The following ASIC2 variants were observed in gnomAD, a reference collection of about 807,000 sequenced individuals.
ASIC2 encodes acid-sensing ion channel 2.
Under a neutral mutation model 57.3 loss-of-function variants are expected in ASIC2, and 25 were observed. The observed-to-expected ratio is 0.44, with a 90% CI of 0.32 to 0.61. The LOEUF is 0.61. ASIC2 is among the 20% of genes least tolerant of loss of function. The pLI is 0.06. For synonymous variants in ASIC2, 319 were observed against 307.5 expected (o/e 1.04, Z -0.39); for missense variants, 641 against 738.1 (o/e 0.87, Z 1.52).
At chr17:33,506,728 C>T (rs118165375) in intron 1 of ASIC2, among the ~76,000 whole-genome samples, 7,651 of 152,248 alleles carry the variant, frequency 0.05, 210 homozygotes, top group Middle Eastern at 0.068. Flanking sequence ...ATAAGCTCAT[C>T]GATCTCTCGG....
chr17:33,970,784 A>G (rs1186170738), intron 1 of ASIC2, among the ~76,000 whole-genome samples: 2 of 152,112 alleles, frequency 1.3e-5, no homozygotes, highest in South Asian at 2.1e-4. Context: ...ACTCCAAACT[A>G]CTTGCTTTCA....
chr17:33,276,642 G>A lies in ASIC2; in HGVS notation c.708+14766C>T, dbSNP rs779304252. Among the ~76,000 whole-genome samples, 3 of 152,266 alleles carry A rather than the reference G, an allele frequency of 2.0e-5. No homozygotes were observed. In the East Asian group the frequency reaches 5.8e-4, roughly 29 times the overall value. ...ACTCCTTTTGGAGGTATGTGACTCC[G>A]TTGCCATTTCTCCGTTCACATGGAC... On this transcript the variant is annotated intron_variant, in intron 1 of 9. Transcript: ENST00000225823.
chr17:33,563,323 T>C (rs1047230178), intron 1 of ASIC2, among the ~76,000 whole-genome samples: 1 of 152,172 alleles, frequency 6.6e-6, no homozygotes, highest in Non-Finnish European at 1.5e-5. Context: ...TAGATATTAT[T>C]TTTCCTGTGT....
intron 1 of ASIC2, among the ~76,000 whole-genome samples, chr17:33,787,800 T>C (rs919525744): frequency 6.6e-6 from 1 of 152,174 alleles, no homozygotes; most frequent in Non-Finnish European, 1.5e-5. Context: ...TCAATTGTAA[T>C]CCTCAGTGTT....
At chr17:34,038,498 T>A in intron 1 of ASIC2, 1 of 1,612,058 alleles carries the variant, frequency 6.2e-7, no homozygotes, top group South Asian at 1.1e-5. Context: ...CTCTGTTAGA[T>A]CAAATGCCTT....
At chr17:33,833,034 G>A (rs1440535313) in intron 1 of ASIC2, among the ~76,000 whole-genome samples, 4 of 152,196 alleles carry the variant, frequency 2.6e-5, no homozygotes, top group Admixed American at 2.6e-4. Flanking sequence ...AAACACTGTT[G>A]AGTGAAACAA....
intron 1 of ASIC2, among the ~76,000 whole-genome samples, chr17:33,908,181 G>A (rs1289774306): frequency 6.6e-6 from 1 of 152,182 alleles, no homozygotes. Context: ...TAGAGACACG[G>A]ACCCCATGGT....
intron 1 of ASIC2, among the ~76,000 whole-genome samples, chr17:34,088,603 T>C (rs1598017747): frequency 6.6e-6 from 1 of 152,236 alleles, no homozygotes; most frequent in Non-Finnish European, 1.5e-5. Context: ...CAGAGGTTAC[T>C]GCTGTCTTTT....
At chr17:33,170,677 G>C (rs1284967950) in intron 1 of ASIC2, among the ~76,000 whole-genome samples, 3 of 152,204 alleles carry the variant, frequency 2.0e-5, no homozygotes, top group Non-Finnish European at 2.9e-5. Context: ...AGAAGGGCTA[G>C]AAACCCAGCA....
chr17:33,482,605 A>AT (rs1304618352), intron 1 of ASIC2, among the ~76,000 whole-genome samples: 1 of 152,248 alleles, frequency 6.6e-6, no homozygotes, highest in Non-Finnish European at 1.5e-5. Flanking sequence ...TATAATCTCC[A>AT]TTCCACAGAC....
intron 1 of ASIC2, among the ~76,000 whole-genome samples, chr17:33,288,988 C>T (rs2142178639): frequency 6.6e-6 from 1 of 152,224 alleles, no homozygotes; most frequent in Non-Finnish European, 1.5e-5. Flanking sequence ...GGAAAATATT[C>T]CTGACAGGCC....
intron 1 of ASIC2, among the ~76,000 whole-genome samples, chr17:33,785,859 G>A (rs142369063): frequency 5.7e-4 from 87 of 152,306 alleles, no homozygotes; most frequent in Non-Finnish European, 1.0e-3. Flanking sequence ...GGAGGCAGAA[G>A]ATTTTGCTAC....
rs536320240 is a variant in ASIC2 at position 33,178,495 on chromosome 17, A to C, written c.709-66428T>G. On this transcript the variant is annotated intron_variant, in intron 1 of 9. Coordinates refer to ENST00000225823, the MANE Select transcript of ASIC2 (RefSeq NM_183377.2). The stretch of plus-strand genomic sequence containing the variant: ...TTTGTCATGCACAGTGCTAGGCACC[A>C]GGGACAAAATCATAAATAAAACCAT... Among the ~76,000 whole-genome samples, 55 of 152,372 alleles carry C rather than the reference A, an allele frequency of 3.6e-4. 1 individual carries two copies. The highest frequency in any genetic ancestry group is 7.3e-4 in the Non-Finnish European group (50 of 68,034).
chr17:33,458,360 T>G (rs1367156363), intron 1 of ASIC2, among the ~76,000 whole-genome samples: 2 of 152,208 alleles, frequency 1.3e-5, no homozygotes, highest in Admixed American at 6.5e-5. Context: ...TTTGGGTAAC[T>G]CAAGTAATTT....
intron 1 of ASIC2, among the ~76,000 whole-genome samples, chr17:33,123,892 GTGTGT>G (rs565308446): frequency 6.6e-6 from 1 of 152,228 alleles, no homozygotes; most frequent in African/African-American, 2.4e-5. Flanking sequence ...GGGATCAGAA[GTGTGT>G]TGTGTTGTGT....
chr17:33,068,047 T>A (rs1194792140), intron 3 of ASIC2, among the ~76,000 whole-genome samples: 1 of 152,012 alleles, frequency 6.6e-6, no homozygotes, highest in African/African-American at 2.4e-5. Flanking sequence ...GGAGGTCAAA[T>A]AAAGATGCTT....
At chr17:33,810,762 G>A (rs952536956) in intron 1 of ASIC2, among the ~76,000 whole-genome samples, 12 of 152,232 alleles carry the variant, frequency 7.9e-5, no homozygotes, top group South Asian at 2.1e-4. Context: ...AAAGATGAAT[G>A]TTTTTATGTA....
chr17:34,116,514 T>C (rs527801267), intron 1 of ASIC2, among the ~76,000 whole-genome samples: 2 of 152,290 alleles, frequency 1.3e-5, no homozygotes, highest in South Asian at 4.1e-4. Context: ...CTGGAGTATG[T>C]CTGCTAAGGT....
intron 1 of ASIC2, among the ~76,000 whole-genome samples, chr17:33,207,515 T>C (rs1425533067): frequency 6.6e-6 from 1 of 152,242 alleles, no homozygotes; most frequent in Non-Finnish European, 1.5e-5. Context: ...AGGGACAGAC[T>C]GTCGGTTCCT....
Sources: allele counts gnomAD v4.1 joint callset (sites outside exome capture counted in the v4.1 genomes callset), GRCh38; gene constraint gnomAD v4.1.1; transcripts MANE v1.5; gene names NCBI Gene and HGNC (gene_info 2026-07-23, HGNC 2026-07-21).